The following DYM variants were observed in gnomAD, a reference collection of about 807,000 sequenced individuals.
The protein encoded by DYM is dyggve-Melchior-Clausen syndrome protein.
Under a neutral mutation model 93.1 loss-of-function variants are expected in DYM, and 78 were observed. That is an observed-to-expected ratio of 0.84 (90% confidence interval 0.70 to 1.01). The LOEUF (loss-of-function observed/expected upper bound fraction) is 1.01. Among genes scored for constraint, DYM ranks in the 50% least tolerant of loss-of-function variants. The pLI, the probability that DYM is intolerant of heterozygous loss-of-function variation, is 0.00. For synonymous variants in DYM, 321 were observed against 319.7 expected, an observed-to-expected ratio of 1.00 and a Z score of -0.04; for missense variants, 789 against 845.0, an observed-to-expected ratio of 0.93 and a Z score of 0.82.
intron 13 of DYM, among the ~76,000 whole-genome samples, chr18:49,222,452 G>T (rs924519263): frequency 1.2e-4 from 19 of 152,014 alleles, no homozygotes; most frequent in Admixed American, 3.9e-4. Flanking sequence ...CATCTTGTTG[G>T]CCTAAAAGCA....
chr18:49,088,369 G>A (rs1187333164), intron 17 of DYM, among the ~76,000 whole-genome samples: 2 of 151,980 alleles, frequency 1.3e-5, no homozygotes, highest in Non-Finnish European at 2.9e-5. Context: ...TATTAAATAG[G>A]GAATCCTTTC....
At chr18:49,080,408 G>A (rs1346499947) in intron 17 of DYM, among the ~76,000 whole-genome samples, 6 of 133,810 alleles carry the variant, frequency 4.5e-5, no homozygotes, top group Non-Finnish European at 8.2e-5. Flanking sequence ...CCTCCCTCCC[G>A]GACGGGGTGG....
chr18:49,272,151 AC>A, intron 11 of DYM, 26 bp downstream of exon 11: 1 of 1,606,926 alleles, frequency 6.2e-7, no homozygotes, highest in Non-Finnish European at 8.5e-7. Context: ...GTTAACTCTA[AC>A]TCTAATCCAA....
At chr18:49,420,633 T>C (rs2073571004) in intron 2 of DYM, among the ~76,000 whole-genome samples, 1 of 152,066 alleles carries the variant, frequency 6.6e-6, no homozygotes. Context: ...CCAACTGAGG[T>C]ACCTGGTTCA....
chr18:49,179,451 T>A (rs974602425), intron 14 of DYM, among the ~76,000 whole-genome samples: 2 of 152,150 alleles, frequency 1.3e-5, no homozygotes, highest in Non-Finnish European at 1.5e-5. Flanking sequence ...CTAATGTGAT[T>A]CTACCATTTG....
At position 49,045,784 on chromosome 18, in the gene DYM, G is replaced by A. The variant is rs1055397006; in HGVS notation, c.2026-1580C>T. Among the ~76,000 whole-genome samples, 3 of 152,294 alleles carry A rather than the reference G, an allele frequency of 2.0e-5. No homozygotes were observed. The East Asian group carries it at 5.8e-4, about 29-fold the overall frequency. On this transcript the variant is annotated intron_variant, in intron 17 of 17. Coordinates refer to ENST00000675505, the MANE Select transcript of DYM (RefSeq NM_001353214.3). ...CCGCACAGGAAAGGCCTGGGTGTGA[G>A]GCTGGAGGCTAAGGAGGGGGTGGGG...
chr18:49,181,658 G>A (rs1029419142), intron 14 of DYM, among the ~76,000 whole-genome samples: 10 of 152,006 alleles, frequency 6.6e-5, no homozygotes, highest in African/African-American at 2.4e-4. Context: ...TTTTAGATTA[G>A]GGATACCTAA....
rs202085847 is a variant in DYM at position 49,379,743 on chromosome 18, C to T, written c.209G>A (p.Arg70Gln). 1.8e-5 allele frequency: 29 copies of T among 1,612,918 alleles called. No homozygotes were observed. In the East Asian group the frequency reaches 2.0e-4, roughly 11 times the overall value. Reference protein sequence around the residue: ...VCRSLVENNPRTGNLGALIKV... With the variant: ...VCRSLVENNPQTGNLGALIKV... ...AATTAGTGCACCAAGATTTCCTGTT[C>T]GAGGATTGTTTTCAACTGCAAGAGA... The change falls in exon 4 of 18, where the codon CGA (arginine) becomes CAA (glutamine). Residue 70 changes from arginine to glutamine, a missense_variant. Coordinates refer to ENST00000675505, the MANE Select transcript of DYM (RefSeq NM_001353214.3).
intron 14 of DYM, among the ~76,000 whole-genome samples, chr18:49,190,783 C>G (rs924276810): frequency 6.6e-6 from 1 of 152,138 alleles, no homozygotes; most frequent in Admixed American, 6.5e-5. Context: ...ACCACCTCCC[C>G]CTACTCGTCC....
intron 11 of DYM, among the ~76,000 whole-genome samples, chr18:49,267,325 A>G (rs1247553035): frequency 6.6e-6 from 1 of 152,204 alleles, no homozygotes; most frequent in African/African-American, 2.4e-5. Flanking sequence ...ACCATACTGT[A>G]TATGAAAATA....
At chr18:49,414,845 G>A (rs2072735425) in intron 2 of DYM, among the ~76,000 whole-genome samples, 1 of 152,054 alleles carries the variant, frequency 6.6e-6, no homozygotes. Context: ...TTGTTCACTT[G>A]TTTATCGCTC....
At chr18:49,394,816 T>C (rs1201173936) in intron 2 of DYM, among the ~76,000 whole-genome samples, 1 of 152,138 alleles carries the variant, frequency 6.6e-6, no homozygotes, top group Non-Finnish European at 1.5e-5. Context: ...CTTTTCCAGA[T>C]AGTTCAACAG....
intron 2 of DYM, among the ~76,000 whole-genome samples, chr18:49,406,049 T>A (rs910735389): frequency 1.3e-5 from 2 of 152,208 alleles, no homozygotes; most frequent in Non-Finnish European, 1.5e-5. Flanking sequence ...TGTATAGAAA[T>A]GCTACTGATT....
intron 15 of DYM, among the ~76,000 whole-genome samples, chr18:49,120,078 C>CAAAAAAAAAAAAAAAA (rs71165367): frequency 8.9e-5 from 5 of 56,154 alleles, no homozygotes; most frequent in Admixed American, 2.0e-4. Context: ...GATCCTGTCT[C>CAAAAAAAAAAAAAAAA]AAAAAAAAAA....
chr18:49,388,031 T>C (rs1224292619), intron 3 of DYM, among the ~76,000 whole-genome samples: 2 of 152,172 alleles, frequency 1.3e-5, no homozygotes, highest in Non-Finnish European at 2.9e-5. Context: ...TAACAGCAAA[T>C]GGGACATATC....
At chr18:49,448,261 T>C (rs932883861) in intron 1 of DYM, among the ~76,000 whole-genome samples, 2 of 152,204 alleles carry the variant, frequency 1.3e-5, no homozygotes, top group Non-Finnish European at 2.9e-5. Context: ...TTAAGCCACC[T>C]ATTCTGCCTT....
Position 49,191,959 on chromosome 18 carries a change from C to T in DYM, c.1625+17592G>A, listed in dbSNP as rs995716626. 9.9e-5 allele frequency among the ~76,000 whole-genome samples: 15 copies of T among 152,134 alleles called. No individual in the cohort carries two copies. The East Asian group carries it at 2.1e-3, about 22-fold the overall frequency. On this transcript the variant is annotated intron_variant, in intron 14 of 17. Transcript: ENST00000675505. ...GTCATTCATTCACTCATTTTGGAGA[C>T]GGGGTCTCACTATGTCACCCAGGCT... is the stretch of plus-strand genomic sequence containing the variant.
chr18:49,144,126 C>T (rs1174465179), intron 15 of DYM, among the ~76,000 whole-genome samples: 1 of 152,078 alleles, frequency 6.6e-6, no homozygotes, highest in Non-Finnish European at 1.5e-5. Context: ...TGTAATTGGT[C>T]TTCATTAATG....
chr18:49,400,172 C>A (rs568027671), intron 2 of DYM, among the ~76,000 whole-genome samples: 1 of 152,108 alleles, frequency 6.6e-6, no homozygotes, highest in South Asian at 2.1e-4. Flanking sequence ...AACTCCTGAC[C>A]TCAGGTGATC....
Sources: gnomAD v4.1 joint callset for allele counts (sites outside exome capture counted in the v4.1 genomes callset) on GRCh38, gnomAD v4.1.1 for gene constraint, MANE v1.5 for transcripts, NCBI Gene and HGNC (gene_info 2026-07-23, HGNC 2026-07-21) for gene names.